TMEM132B: variants seen among roughly 807,000 people sequenced by gnomAD.
TMEM132B encodes transmembrane protein 132B.
A neutral mutation model predicts 90.8 loss-of-function variants in TMEM132B; 18 were observed. The observed-to-expected ratio is 0.20, with a 90% CI of 0.14 to 0.29. The LOEUF is 0.29. Ranked by LOEUF, TMEM132B falls within the 10% of genes least tolerant of loss-of-function variation. The probability of loss-of-function intolerance (pLI) is 1.00; values close to 1 mark genes in which losing one functional copy is unlikely to be tolerated. For synonymous variants in TMEM132B, 504 were observed against 523.3 expected, an observed-to-expected ratio of 0.96 and a Z score of 0.50; for missense variants, 1,096 against 1,326.8, an observed-to-expected ratio of 0.83 and a Z score of 2.70.
At chr12:125,644,011 T>A in intron 5 of TMEM132B, 65 bp from the exon 6 acceptor site, 1 of 1,440,966 alleles carries the variant, frequency 6.9e-7, no homozygotes, top group East Asian at 2.3e-5. Context: ...GAACTTTCAC[T>A]GTTGTTGTTT....
intron 1 of TMEM132B, among the ~76,000 whole-genome samples, chr12:125,244,658 A>T (rs11058100): frequency 0.053 from 8,059 of 152,276 alleles, 284 homozygotes; most frequent in African/African-American, 0.092. Flanking sequence ...GGCTTATGGT[A>T]AGGAGACCTT....
At chr12:125,252,075 T>A (rs1014539655) in intron 1 of TMEM132B, among the ~76,000 whole-genome samples, 10 of 152,344 alleles carry the variant, frequency 6.6e-5, no homozygotes, top group African/African-American at 2.4e-4. Flanking sequence ...ACACTGACAC[T>A]GGTGCACCCA....
chr12:125,202,528 T>C (rs1295201299), intron 1 of TMEM132B, among the ~76,000 whole-genome samples: 1 of 152,248 alleles, frequency 6.6e-6, no homozygotes, highest in Non-Finnish European at 1.5e-5. Flanking sequence ...GCTTTTGCCC[T>C]GAGGGCCACA....
chr12:125,287,926 G>T (rs1875408735), intron 1 of TMEM132B, among the ~76,000 whole-genome samples: 1 of 152,028 alleles, frequency 6.6e-6, no homozygotes, highest in Non-Finnish European at 1.5e-5. Flanking sequence ...GGAGTGCAAT[G>T]GCGCGATCTC....
chr12:125,298,718 ATTTTTCTTTTTTCTTT>A (rs1875735238), intron 1 of TMEM132B, among the ~76,000 whole-genome samples: 1 of 144,884 alleles, frequency 6.9e-6, no homozygotes, highest in African/African-American at 2.6e-5. Context: ...CCCATCACTT[ATTTTTCTTTTTTCTTT>A]TTTTTCTTTT....
intron 1 of TMEM132B, among the ~76,000 whole-genome samples, chr12:125,280,353 ATG>A (rs1443997688): frequency 2.6e-5 from 4 of 152,266 alleles, no homozygotes; most frequent in African/African-American, 9.6e-5. Flanking sequence ...TGCAATTATT[ATG>A]TGACAATTAA....
intron 3 of TMEM132B, among the ~76,000 whole-genome samples, chr12:125,449,226 C>G (rs1881086782): frequency 6.6e-6 from 1 of 152,178 alleles, no homozygotes. Context: ...CTCGGCCTCC[C>G]AAAGTGCTGG....
intron 5 of TMEM132B, among the ~76,000 whole-genome samples, chr12:125,643,862 AT>A (rs1886692042): frequency 6.6e-6 from 1 of 152,218 alleles, no homozygotes; most frequent in African/African-American, 2.4e-5. Flanking sequence ...ACTTGTCAGT[AT>A]TTTGTAATAC....
At position 125,613,253 on chromosome 12, in the gene TMEM132B, A is replaced by G. The variant is rs531955584; in HGVS notation, c.1437+29259A>G. On this transcript the variant is annotated intron_variant, in intron 5 of 8. Coordinates refer to ENST00000682704, the MANE Select transcript of TMEM132B (RefSeq NM_001366854.1). ...TATATATAATATAGTGGGTGTTTAT[A>G]TTTATGGGGTACATGAGATACTTTC... Among the ~76,000 whole-genome samples, 98 of 137,770 alleles carry G rather than the reference A, an allele frequency of 7.1e-4. 2 individuals carry two copies. In the South Asian group the frequency reaches 0.016, roughly 22 times the overall value. 90.4% of individuals were successfully genotyped at this position (137,770 alleles called of 152,430 possible).
Position 125,492,810 on chromosome 12 carries a change from C to T in TMEM132B, c.1107-26629C>T, listed in dbSNP as rs540837874. On this transcript the variant is annotated intron_variant, in intron 3 of 8. Coordinates refer to ENST00000682704, the MANE Select transcript of TMEM132B (RefSeq NM_001366854.1). This position sits in a 1 kb window ranked among gnomAD's most constrained non-coding sequence, Gnocchi z 5.8. ...ACTTGGCTCCAAAATGGGCTGGGCC[C>T]TGTGTCAGGCTCCAGGGATAGACAC... 4.6e-5 allele frequency among the ~76,000 whole-genome samples: 7 copies of T among 152,318 alleles called. No individual in the cohort carries two copies. The highest frequency in any genetic ancestry group is 1.7e-4 in the African/African-American group (7 of 41,568).
intron 1 of TMEM132B, among the ~76,000 whole-genome samples, chr12:125,265,158 AG>A (rs1419578595): frequency 6.6e-6 from 1 of 152,208 alleles, no homozygotes; most frequent in Non-Finnish European, 1.5e-5. Flanking sequence ...TTTAATTCAC[AG>A]GGTATGCATG....
chr12:125,357,055 C>G (rs1347622030), intron 2 of TMEM132B, among the ~76,000 whole-genome samples: 1 of 152,186 alleles, frequency 6.6e-6, no homozygotes, highest in Non-Finnish European at 1.5e-5. Context: ...TTGTCTACCA[C>G]ATAGTAAGTG....
chr12:125,376,655 C>T (rs1297731172), intron 2 of TMEM132B, among the ~76,000 whole-genome samples: 1 of 152,198 alleles, frequency 6.6e-6, no homozygotes, highest in Admixed American at 6.5e-5. Context: ...GAGTTTCCTG[C>T]AGGGGAGAAG....
chr12:125,530,735 C>CTG (rs917913090), intron 4 of TMEM132B, among the ~76,000 whole-genome samples: 4 of 152,088 alleles, frequency 2.6e-5, no homozygotes, highest in African/African-American at 7.2e-5. Context: ...ATCACATAAG[C>CTG]TGTGTGTGTG....
chr12:125,284,900 T>A (rs1875306161), intron 1 of TMEM132B, among the ~76,000 whole-genome samples: 1 of 152,234 alleles, frequency 6.6e-6, no homozygotes, highest in Non-Finnish European at 1.5e-5. Context: ...AGAAGGCTTA[T>A]TAAGTCCTTA....
chr12:125,421,042 G>A lies in TMEM132B; in HGVS notation c.1106+5365G>A, dbSNP rs546833630. ...CTCCATCTGAGACCACCTTAACTTGGACTTCATTGTCCCTATCACTGTCAG... is the reference window on the plus strand; with the variant it reads ...CTCCATCTGAGACCACCTTAACTTGAACTTCATTGTCCCTATCACTGTCAG... On this transcript the variant is annotated intron_variant, in intron 3 of 8. Coordinates refer to ENST00000682704, the MANE Select transcript of TMEM132B (RefSeq NM_001366854.1). 7.9e-5 allele frequency among the ~76,000 whole-genome samples: 12 copies of A among 152,212 alleles called. No individual in the cohort carries two copies. The South Asian group carries it at 1.9e-3, about 24-fold the overall frequency.
At chr12:125,350,975 C>T (rs972049708) in intron 2 of TMEM132B, among the ~76,000 whole-genome samples, 4 of 152,328 alleles carry the variant, frequency 2.6e-5, no homozygotes, top group Admixed American at 6.5e-5. Flanking sequence ...CCTTATGCTG[C>T]TAGAAGCCAT....
chr12:125,392,382 C>T (rs1237075273), intron 2 of TMEM132B, among the ~76,000 whole-genome samples: 1 of 152,186 alleles, frequency 6.6e-6, no homozygotes, highest in Non-Finnish European at 1.5e-5. Context: ...CATGGAAATA[C>T]ATTCACTCGC....
intron 1 of TMEM132B, among the ~76,000 whole-genome samples, chr12:125,302,501 A>C (rs940581888): frequency 1.3e-5 from 2 of 152,114 alleles, no homozygotes; most frequent in African/African-American, 4.8e-5. Context: ...TGTTCGTTAT[A>C]CAGCACTATT....
Sources: allele counts gnomAD v4.1 joint callset (sites outside exome capture counted in the v4.1 genomes callset), GRCh38; gene constraint gnomAD v4.1.1; non-coding constraint Gnocchi (gnomAD v3.1); transcripts MANE v1.5; gene names NCBI Gene and HGNC (gene_info 2026-07-23, HGNC 2026-07-21).